Variants in FAM110C observed in about 807,000 individuals in gnomAD.
FAM110C encodes protein FAM110C.
A neutral mutation model predicts 15.7 loss-of-function variants in FAM110C; 19 were observed. That is an observed-to-expected ratio of 1.21 (90% confidence interval 0.85 to 1.78). The LOEUF is 1.78. FAM110C is among the 40% of genes most tolerant of loss of function. FAM110C has a pLI of 0.00. For missense variants in FAM110C, 547 were observed against 495.7 expected, an observed-to-expected ratio of 1.10 and a Z score of -0.98; for synonymous variants, 275 against 233.9, an observed-to-expected ratio of 1.18 and a Z score of -1.61.
intron 1 of FAM110C, chr2:43,703 A>T: frequency 1.0e-6 from 1 of 985,356 alleles, no homozygotes; most frequent in African/African-American, 1.7e-5. Context: ...CTTTGGTTTC[A>T]TTTGTATGCC....
In FAM110C at chr2:45,467, G is replaced by C. The variant is rs1664249887; in HGVS notation, c.919C>G (p.Pro307Ala). The C allele has an allele frequency of 6.2e-7, 1 of 1,613,000 alleles. No homozygotes were observed. ...LYTCKKAKET[P>A]SQEQSRTRGS... ...CGGGTCCGGCTCTGCTCCTGGCTGG[G>C]GGTCTCCTTGGCCTTCTTACAGGTG... Residue 307 changes from proline to alanine, a missense_variant, in exon 1 of 2, where the codon CCC becomes GCC. Physicochemically the swap from Pro to Ala is conservative, Grantham distance 27. Transcript: ENST00000327669.
rs372454023 is a variant in FAM110C at position 45,843 on chromosome 2, C to A, written c.543G>T (p.Pro181=). 2,184 of 1,536,498 alleles carry A rather than the reference C, an allele frequency of 1.4e-3. 2 individuals are homozygous for A. The highest frequency in any genetic ancestry group is 1.8e-3 in the Non-Finnish European group (2,027 of 1,146,230). ...GCGGCTCTGGCCCAGGGGGCGCGGC[C>A]GGGACACTGGAGGGCGCCGCGGACC... The part of the protein sequence containing the change: ...AARSAAPSSV[P]AAPPGPEPRV... Residue 181 remains proline (P), a synonymous_variant, in exon 1 of 2, where the codon CCG becomes CCT. Coordinates refer to ENST00000327669, the MANE Select transcript of FAM110C (RefSeq NM_001077710.3).
At chr2:42,227 C>A (rs1664145895) in intron 1 of FAM110C, 2 of 985,278 alleles carry the variant, frequency 2.0e-6, no homozygotes, top group African/African-American at 3.5e-5. Flanking sequence ...ATATGAGACA[C>A]AACTCTGTTC....
chr2:44,972 T>C (rs1350551345), intron 1 of FAM110C: 1 of 985,200 alleles, frequency 1.0e-6, no homozygotes, highest in Non-Finnish European at 1.2e-6. Flanking sequence ...CAGCAGCGCC[T>C]ACCTAGGGCT....
At chr2:42,169 GA>G (rs1484156570) in intron 1 of FAM110C, 1 of 985,288 alleles carries the variant, frequency 1.0e-6, no homozygotes, top group African/African-American at 1.7e-5. Flanking sequence ...AAGAAGAAAG[GA>G]AAAGAAAGCT....
In FAM110C at chr2:46,231, G is replaced by A. The variant is rs1346994447; in HGVS notation, c.155C>T (p.Pro52Leu). ...ADRAKYVRGRPGTGRGVASEG... is the reference protein window; with the variant it reads ...ADRAKYVRGRLGTGRGVASEG... ...GGAAGCGACGCCCCGGCCAGTCCCC[G>A]GCCGACCCCGCACATACTTGGCGCG... is the stretch of plus-strand genomic sequence containing the variant. The change falls in exon 1 of 2, where the codon CCG becomes CTG. Residue 52 changes from proline (P) to leucine (L), a missense_variant. Physicochemically the swap from Pro to Leu is moderately conservative, Grantham distance 98 (BLOSUM62 -3). Transcript: ENST00000327669. 2.9e-6 allele frequency: 4 copies of A among 1,402,518 alleles called. No homozygotes were observed. The highest frequency in any genetic ancestry group is 3.1e-5 in the East Asian group (1 of 32,758). The allele number at this position is 1,402,518 out of a possible 1,614,324, so 86.9% of individuals were successfully genotyped here.
At chr2:42,161 G>T (rs1558180497) in intron 1 of FAM110C, 1 of 985,258 alleles carries the variant, frequency 1.0e-6, no homozygotes, top group Admixed American at 6.2e-5. Flanking sequence ...AATAGTCAAA[G>T]AAGAAAGGAA....
chr2:43,797 TA>T, intron 1 of FAM110C: 3 of 985,480 alleles, frequency 3.0e-6, no homozygotes, highest in Non-Finnish European at 3.6e-6. Flanking sequence ...AGCTTATTCA[TA>T]AATTTACTTC....
At position 45,543 on chromosome 2, in the gene FAM110C, G is replaced by A. The variant is rs771129538; in HGVS notation, c.843C>T (p.Pro281=). Residue 281 remains proline (P), a synonymous_variant, in exon 1 of 2, where the codon CCC becomes CCT. Transcript: ENST00000327669. The part of the protein sequence containing the change: ...LQEEELIEQV[P]STTSVIERNA... Reference sequence around the variant, plus strand: ...TCCTCTCGATGACCGAAGTGGTGCTGGGCACCTGCTCTATCAGCTCCTCCT... The same window carrying A: ...TCCTCTCGATGACCGAAGTGGTGCTAGGCACCTGCTCTATCAGCTCCTCCT... 1.4e-5 allele frequency: 23 copies of A among 1,613,980 alleles called. No individual in the cohort carries two copies. In the East Asian group the frequency reaches 5.1e-4, roughly 36 times the overall value.
At chr2:45,067 G>A in intron 1 of FAM110C, 1 of 985,436 alleles carries the variant, frequency 1.0e-6, no homozygotes, top group Non-Finnish European at 1.2e-6. Flanking sequence ...CTCTCAAGCT[G>A]TTTTCAGCTC....
rs752778528 is a variant in FAM110C at position 45,902 on chromosome 2, G to A, written c.484C>T (p.Pro162Ser). Residue 162 changes from proline to serine, a missense_variant, in exon 1 of 2, where the codon CCC (proline) becomes TCC (serine). Physicochemically the swap from Pro to Ser is moderately conservative, Grantham distance 74. Transcript: ENST00000327669. ...GGGGCTGGGGTCTCGGGGATTGCGG[G>A]GTCCGCCGCGGGGCCAGGAGTGGTC... ...VPTTPGPAAD[P>S]AIPETPAPAA... 18 of 1,416,634 alleles carry A rather than the reference G, an allele frequency of 1.3e-5. No homozygotes were observed. The highest frequency in any genetic ancestry group is 2.8e-5 in the East Asian group (1 of 35,886). 87.8% of individuals were successfully genotyped at this position (1,416,634 alleles called of 1,614,324 possible). A position where few individuals can be genotyped will look rare whatever the true frequency, so the allele number is the denominator to read the frequency against.
At chr2:41,676 G>A in intron 1 of FAM110C, 49 bp from the exon 2 acceptor site, 5 of 1,611,266 alleles carry the variant, frequency 3.1e-6, no homozygotes, top group Non-Finnish European at 4.2e-6. Flanking sequence ...CTAGACAAAA[G>A]TTAGTATAAT....
chr2:41,598 G>T lies in FAM110C; in HGVS notation c.*10C>A. The T allele has an allele frequency of 6.2e-7, 1 of 1,613,790 alleles. No homozygotes were observed. Among genetic ancestry groups the T allele is most frequent in the Non-Finnish European group, 8.5e-7 (1 of 1,179,908 alleles). On this transcript the variant is annotated 3_prime_UTR_variant, in exon 2 of 2. Coordinates refer to ENST00000327669, the MANE Select transcript of FAM110C (RefSeq NM_001077710.3). Reference sequence around the variant, plus strand: ...CCAAATCACCCATGAAATCCTTCAAGAAGTCTTCATCATCGGGAAGGTTTG... The same window carrying T: ...CCAAATCACCCATGAAATCCTTCAATAAGTCTTCATCATCGGGAAGGTTTG...
chr2:42,737 G>T, intron 1 of FAM110C: 1 of 673,558 alleles, frequency 1.5e-6, no homozygotes, highest in Non-Finnish European at 1.8e-6. Flanking sequence ...ATTATAAGTT[G>T]TAAATCTCTA....
chr2:44,484 AT>A, intron 1 of FAM110C: 1 of 985,356 alleles, frequency 1.0e-6, no homozygotes, highest in Non-Finnish European at 1.2e-6. Flanking sequence ...TCATCTCATG[AT>A]TTTTAAAATT....
chr2:43,374 G>C lies in FAM110C; in HGVS notation c.947-1747C>G, dbSNP rs866674095. The C allele has an allele frequency of 3.1e-5, 31 of 985,412 alleles. No homozygotes were observed. In the African/African-American group the frequency reaches 4.7e-4, roughly 15 times the overall value. The allele number at this position is 985,412 out of a possible 1,614,324, so 61.0% of individuals were successfully genotyped here. A position where few individuals can be genotyped will look rare whatever the true frequency, so the allele number is the denominator to read the frequency against. On this transcript the variant is annotated intron_variant, in intron 1 of 1. Transcript: ENST00000327669. ...GTCTGGAACAAACGGGATTCAGGTG[G>C]AGGGAGACATGAGGGGAGGAAGAAG...
chr2:44,295 A>T, intron 1 of FAM110C: 1 of 985,140 alleles, frequency 1.0e-6, no homozygotes, highest in Non-Finnish European at 1.2e-6. Context: ...AGAATGAATT[A>T]TCTTCTTCTC....
intron 1 of FAM110C, chr2:43,405 G>T: frequency 1.0e-6 from 1 of 985,376 alleles, no homozygotes; most frequent in East Asian, 1.1e-4. Context: ...AGAAGCCCAT[G>T]AGCCTTTTTC....
intron 1 of FAM110C, 176 bp from the exon 2 acceptor site, chr2:41,803 A>T: frequency 1.0e-6 from 1 of 985,442 alleles, no homozygotes; most frequent in Non-Finnish European, 1.2e-6. Flanking sequence ...TAACTTTATT[A>T]AATACAGCTA....
Sources: allele counts gnomAD v4.1 joint callset, GRCh38; gene constraint gnomAD v4.1.1; transcripts MANE v1.5; gene names NCBI Gene and HGNC (gene_info 2026-07-23, HGNC 2026-07-21).